The following TAS2R1 variants were observed in gnomAD, a reference collection of about 807,000 sequenced individuals.
TAS2R1 encodes the protein taste receptor type 2 member 1.
For synonymous variants in TAS2R1, 141 were observed against 134.2 expected (o/e 1.05, Z -0.35); for missense variants, 370 against 353.4 (o/e 1.05, Z -0.38).
At chr5:9,660,056 C>CTTTTTTT (rs1171409076) in intron 1 of TAS2R1, 1 of 123,116 alleles carries the variant, frequency 8.1e-6, no homozygotes, top group Admixed American at 8.1e-5. Flanking sequence ...TGAAATATTT[C>CTTTTTTT]TTTTTTTTTT....
chr5:9,889,243 T>C, the TAS2R1 span, among the ~76,000 whole-genome samples: 15 of 152,240 alleles, frequency 9.9e-5, no homozygotes, highest in South Asian at 3.1e-3. Context: ...ATCTGCACCA[T>C]GCTGGAGCAG....
chr5:9,755,564 G>A, the TAS2R1 span, among the ~76,000 whole-genome samples: 2 of 146,184 alleles, frequency 1.4e-5, no homozygotes, highest in African/African-American at 2.5e-5. Flanking sequence ...TCCAGCCTGG[G>A]CGACAGAGTG....
At chr5:9,880,166 T>A in the TAS2R1 span, among the ~76,000 whole-genome samples, 16 of 152,052 alleles carry the variant, frequency 1.1e-4, no homozygotes, top group African/African-American at 3.9e-4. Flanking sequence ...AGAGGAAAAA[T>A]ATTTACCTCT....
At chr5:9,754,208 C>G in the TAS2R1 span, among the ~76,000 whole-genome samples, 1 of 152,068 alleles carries the variant, frequency 6.6e-6, no homozygotes, top group Non-Finnish European at 1.5e-5. Flanking sequence ...AATTCAACAA[C>G]CCTTCATGCT....
chr5:9,831,197 G>A, the TAS2R1 span, among the ~76,000 whole-genome samples: 10 of 152,092 alleles, frequency 6.6e-5, no homozygotes, highest in African/African-American at 1.2e-4. Context: ...GGTGGAACTC[G>A]TCTCAAGGCA....
At chr5:9,876,861 C>T in the TAS2R1 span, among the ~76,000 whole-genome samples, 1 of 152,150 alleles carries the variant, frequency 6.6e-6, no homozygotes, top group African/African-American at 2.4e-5. Context: ...AAGAACATTC[C>T]TTGTCTTTAA....
At chr5:9,686,976 T>G (rs946523183) in intron 1 of TAS2R1, among the ~76,000 whole-genome samples, 4 of 152,214 alleles carry the variant, frequency 2.6e-5, no homozygotes, top group African/African-American at 9.6e-5. Context: ...ATTTATTCAT[T>G]TTTTTGAGAT....
the TAS2R1 span, among the ~76,000 whole-genome samples, chr5:9,728,824 C>G: frequency 2.0e-5 from 3 of 152,184 alleles, no homozygotes; most frequent in Non-Finnish European, 4.4e-5. Flanking sequence ...AAACCAGTGG[C>G]TCCTTGGGAC....
At chr5:9,843,385 C>T in the TAS2R1 span, among the ~76,000 whole-genome samples, 1 of 152,152 alleles carries the variant, frequency 6.6e-6, no homozygotes, top group Non-Finnish European at 1.5e-5. Context: ...CACATCATTC[C>T]ACTTTTCTCC....
At chr5:9,880,980 T>C in the TAS2R1 span, among the ~76,000 whole-genome samples, 2 of 152,106 alleles carry the variant, frequency 1.3e-5, no homozygotes, top group African/African-American at 4.8e-5. Context: ...TCCCTGGGAC[T>C]GAGCCCCTGG....
At chr5:9,793,367 T>C in the TAS2R1 span, among the ~76,000 whole-genome samples, 33 of 152,318 alleles carry the variant, frequency 2.2e-4, no homozygotes, top group African/African-American at 7.7e-4. Flanking sequence ...TATGCTGTTA[T>C]GGGATAATGA....
At chr5:9,731,362 GC>G in the TAS2R1 span, among the ~76,000 whole-genome samples, 1 of 152,024 alleles carries the variant, frequency 6.6e-6, no homozygotes, top group African/African-American at 2.4e-5. Context: ...CTCAGCCGCG[GC>G]ACCCCCTTCG....
At chr5:9,797,466 GA>G in the TAS2R1 span, among the ~76,000 whole-genome samples, 3 of 151,890 alleles carry the variant, frequency 2.0e-5, no homozygotes, top group Non-Finnish European at 2.9e-5. Context: ...TTCTGAATGA[GA>G]AAAAAAGCTT....
the TAS2R1 span, among the ~76,000 whole-genome samples, chr5:9,840,317 A>C: frequency 6.6e-6 from 1 of 152,202 alleles, no homozygotes; most frequent in East Asian, 1.9e-4. Context: ...TCGAGTTTAC[A>C]TCTCCTGTTC....
the TAS2R1 span, among the ~76,000 whole-genome samples, chr5:9,816,667 T>C: frequency 1.3e-5 from 2 of 152,266 alleles, no homozygotes; most frequent in Non-Finnish European, 1.5e-5. Flanking sequence ...GCAATATTAC[T>C]AGAGGCATTC....
chr5:9,856,002 A>C, the TAS2R1 span, among the ~76,000 whole-genome samples: 1 of 152,160 alleles, frequency 6.6e-6, no homozygotes, highest in South Asian at 2.1e-4. Context: ...ATAAAGGAAG[A>C]AAAGATTATG....
chr5:9,878,980 C>G, the TAS2R1 span, among the ~76,000 whole-genome samples: 1 of 152,216 alleles, frequency 6.6e-6, no homozygotes, highest in Non-Finnish European at 1.5e-5. Flanking sequence ...CCAGGCACTA[C>G]AGAGTTCACG....
At chr5:9,780,619 G>C in the TAS2R1 span, among the ~76,000 whole-genome samples, 1 of 152,068 alleles carries the variant, frequency 6.6e-6, no homozygotes, top group Non-Finnish European at 1.5e-5. Context: ...CAAATTCATA[G>C]CTTCAATTCT....
chr5:9,709,188 GA>G (rs535742726), intron 1 of TAS2R1, among the ~76,000 whole-genome samples: 19,565 of 84,750 alleles, frequency 0.23, 1,456 homozygotes, highest in Admixed American at 0.36. Context: ...ACTTAAAGTA[GA>G]AAAAAAAAAA....
Sources: allele counts gnomAD v4.1 joint callset (sites outside exome capture counted in the v4.1 genomes callset), GRCh38; gene constraint gnomAD v4.1.1; transcripts MANE v1.5; gene names NCBI Gene and HGNC (gene_info 2026-07-23, HGNC 2026-07-21).